ALMS1: variants seen among roughly 807,000 people sequenced by gnomAD.
ALMS1 encodes the protein ALMS1 centrosome and basal body associated protein.
A neutral mutation model predicts 352.2 loss-of-function variants in ALMS1; 271 were observed. The ratio of observed to expected loss-of-function variants is 0.77; its 90% CI spans 0.70 to 0.85. ALMS1 has a LOEUF of 0.85. Ranked by LOEUF, ALMS1 falls within the 40% of genes least tolerant of loss-of-function variation. The pLI, the probability that ALMS1 is intolerant of heterozygous loss-of-function variation, is 0.00. For missense variants in ALMS1, 5,445 were observed against 4,870.7 expected (o/e 1.12, Z -3.51); for synonymous variants, 1,865 against 1,761.2 (o/e 1.06, Z -1.48).
In ALMS1 at chr2:73,559,043, A is replaced by G. The variant is rs762108653; in HGVS notation, c.10285A>G (p.Thr3429Ala). The change falls in exon 15 of 23, where the codon ACT becomes GCT. Residue 3429 changes from threonine to alanine, a missense_variant. By Grantham distance (58) the Thr-to-Ala change is moderately conservative. Coordinates refer to ENST00000613296, the MANE Select transcript of ALMS1 (RefSeq NM_001378454.1). ...CCCAGAAATGAAGAACTTGCCAGAC[A>G]CTAAAGCCATTACACAGAAAGAGGA... Reference protein sequence around the residue: ...GDPEMKNLPDTKAITQKEEIH... With the variant: ...GDPEMKNLPDAKAITQKEEIH... 8 of 1,614,088 alleles carry G rather than the reference A, an allele frequency of 5.0e-6. No individual in the cohort carries two copies. The South Asian group carries it at 8.8e-5, about 18-fold the overall frequency.
intron 13 of ALMS1, among the ~76,000 whole-genome samples, chr2:73,555,607 C>T (rs1405710213): frequency 6.6e-6 from 1 of 152,038 alleles, no homozygotes; most frequent in Non-Finnish European, 1.5e-5. Flanking sequence ...AATAAATATG[C>T]CATTATTAAA....
chr2:73,542,898 A>T (rs537377489), intron 12 of ALMS1, among the ~76,000 whole-genome samples: 10 of 152,236 alleles, frequency 6.6e-5, no homozygotes, highest in African/African-American at 2.2e-4. Flanking sequence ...TTCCATGCTC[A>T]TGGGTAGGAA....
At chr2:73,407,944 GTTA>G (rs1354835800) in intron 1 of ALMS1, among the ~76,000 whole-genome samples, 1 of 152,024 alleles carries the variant, frequency 6.6e-6, no homozygotes, top group Non-Finnish European at 1.5e-5. Flanking sequence ...TAGTAAGAGG[GTTA>G]TTTTTTTTTT....
At chr2:73,410,901 G>T (rs1671064630) in intron 2 of ALMS1, among the ~76,000 whole-genome samples, 1 of 152,032 alleles carries the variant, frequency 6.6e-6, no homozygotes, top group African/African-American at 2.4e-5. Flanking sequence ...AAATTGCAGT[G>T]ATTACCTGTT....
intron 9 of ALMS1, among the ~76,000 whole-genome samples, chr2:73,481,335 TC>T (rs1672699040): frequency 6.6e-6 from 1 of 152,180 alleles, no homozygotes; most frequent in Non-Finnish European, 1.5e-5. Flanking sequence ...AAACAGGGAA[TC>T]CTTTCCCCAT....
At position 73,519,895 on chromosome 2, in the gene ALMS1, T is replaced by C; in HGVS notation, c.9660T>C (p.Ile3220=). The C allele has an allele frequency of 1.9e-6, 3 of 1,614,148 alleles. No homozygotes were observed. The highest frequency in any genetic ancestry group is 2.5e-6 in the Non-Finnish European group (3 of 1,179,988). The change falls in exon 11 of 23, where the codon ATT becomes ATC. Residue 3220 remains isoleucine, a synonymous_variant. Coordinates refer to ENST00000613296, the MANE Select transcript of ALMS1 (RefSeq NM_001378454.1). ...EKTLFSSEIF[I]NAEDRGHEII... is the part of the protein sequence containing the mutation. ...CCCTATTTTCATCTGAGATTTTTATTAATGCTGAAGATCGTGGACATGAAA... is the reference window on the plus strand; with the variant it reads ...CCCTATTTTCATCTGAGATTTTTATCAATGCTGAAGATCGTGGACATGAAA...
intron 15 of ALMS1, among the ~76,000 whole-genome samples, chr2:73,570,153 G>A (rs929976479): frequency 6.6e-6 from 1 of 152,174 alleles, no homozygotes; most frequent in Non-Finnish European, 1.5e-5. Context: ...GCAGTAGGAT[G>A]ATGTGCCATT....
At chr2:73,455,994 A>G (rs1048147619) in intron 9 of ALMS1, among the ~76,000 whole-genome samples, 2 of 152,212 alleles carry the variant, frequency 1.3e-5, no homozygotes, top group Non-Finnish European at 2.9e-5. Flanking sequence ...TTTTAATAGT[A>G]CATATTTTCC....
chr2:73,412,797 A>G (rs1158941685), intron 2 of ALMS1, among the ~76,000 whole-genome samples: 1 of 152,066 alleles, frequency 6.6e-6, no homozygotes, highest in Non-Finnish European at 1.5e-5. Flanking sequence ...CTCTGTCTCA[A>G]AAACAAAAAA....
chr2:73,489,805 C>T lies in ALMS1; in HGVS notation c.7846C>T (p.Arg2616Trp), dbSNP rs145383239. ...SAGPSEMTRG[R>W]QNPSSCRAKH... ...TGGACCCTCAGAAATGACCAGAGGA[C>T]GGCAGAACCCATCATCATGCAGAGC... Residue 2616 changes from arginine to tryptophan, a missense_variant, in exon 10 of 23, where the codon CGG becomes TGG. Arg to Trp is a moderately radical substitution (Grantham distance 101). Transcript: ENST00000613296. 5.8e-5 allele frequency: 93 copies of T among 1,614,074 alleles called. No individual in the cohort carries two copies. The highest frequency in any genetic ancestry group is 1.5e-4 in the African/African-American group (11 of 74,994).
intron 1 of ALMS1, among the ~76,000 whole-genome samples, chr2:73,393,230 T>C (rs1374672024): frequency 6.6e-6 from 1 of 152,204 alleles, no homozygotes; most frequent in Non-Finnish European, 1.5e-5. Context: ...CAAGATACAG[T>C]CCCTTGACAA....
rs971637997 is a variant in ALMS1 at position 73,452,441 on chromosome 2, A to G, written c.5914A>G (p.Ile1972Val). The change falls in exon 8 of 23, where the codon ATA becomes GTA. Residue 1972 changes from isoleucine (I) to valine (V), a missense_variant. Coordinates refer to ENST00000613296, the MANE Select transcript of ALMS1 (RefSeq NM_001378454.1). Reference protein sequence around the residue: ...EEALKVSPVSIPAEQKTGIPI... With the variant: ...EEALKVSPVSVPAEQKTGIPI... ...GGCTCTGAAAGTTTCACCTGTTTCT[A>G]TACCAGCAGAGCAGAAGACTGGGAT... 2 of 1,613,892 alleles carry G rather than the reference A, an allele frequency of 1.2e-6. No homozygotes were observed. Among genetic ancestry groups the G allele is most frequent in the African/African-American group, 1.3e-5 (1 of 74,938 alleles).
At chr2:73,470,554 T>G (rs969642339) in intron 9 of ALMS1, 4 of 151,912 alleles carry the variant, frequency 2.6e-5, no homozygotes, top group Admixed American at 2.0e-4. Context: ...CATTTCAGTC[T>G]TCTTAAATTT....
In ALMS1 at chr2:73,424,502, G is replaced by T; in HGVS notation, c.837G>T (p.Gln279His). The T allele has an allele frequency of 1.9e-6, 3 of 1,607,870 alleles. No individual in the cohort carries two copies. The highest frequency in any genetic ancestry group is 2.2e-5 in the East Asian group (1 of 44,774). ...CGGAAGTTAGTGAAGCTTTATTCCA[G>T]GCTACTGCAGAAGTAGCTTCAGACT... ...RPSEVSEALF[Q>H]ATAEVASDLA... Residue 279 changes from glutamine (Q) to histidine (H), a missense_variant, in exon 5 of 23, where the codon CAG (glutamine) becomes CAT (histidine). Gln to His is a conservative substitution (Grantham distance 24). Transcript: ENST00000613296.
intron 9 of ALMS1, among the ~76,000 whole-genome samples, chr2:73,482,692 T>C (rs1672737442): frequency 6.6e-6 from 1 of 152,194 alleles, no homozygotes; most frequent in African/African-American, 2.4e-5. Context: ...AATTCGGCTG[T>C]TAATCCATCT....
At chr2:73,527,954 T>C (rs1248574273) in intron 11 of ALMS1, among the ~76,000 whole-genome samples, 1 of 152,154 alleles carries the variant, frequency 6.6e-6, no homozygotes, top group African/African-American at 2.4e-5. Flanking sequence ...GTGTTTCCAT[T>C]ATCATTTGTC....
At chr2:73,554,737 A>G (rs1347627399) in intron 13 of ALMS1, among the ~76,000 whole-genome samples, 1 of 152,140 alleles carries the variant, frequency 6.6e-6, no homozygotes, top group African/African-American at 2.4e-5. Flanking sequence ...GATGGAAGGA[A>G]GAATGAGGGG....
At position 73,449,062 on chromosome 2, in the gene ALMS1, C is replaced by G. The variant is rs77517267; in HGVS notation, c.2535C>G (p.Asp845Glu). The G allele has an allele frequency of 1.3e-4, 212 of 1,614,084 alleles. No homozygotes were observed. In the African/African-American group the frequency reaches 2.3e-3, roughly 18 times the overall value. The stretch of plus-strand genomic sequence containing the variant: ...TTTCAGCTGTTTCTGGACCAGCTGA[C>G]GGAAAGACTGGGACACCAGCTGTAA... ...LKVSAVSGPA[D>E]GKTGTPAVTS... Residue 845 changes from aspartate (D) to glutamate (E), a missense_variant, in exon 8 of 23, where the codon GAC (aspartate) becomes GAG (glutamate). Physicochemically the swap from Asp to Glu is conservative, Grantham distance 45. Coordinates refer to ENST00000613296, the MANE Select transcript of ALMS1 (RefSeq NM_001378454.1).
chr2:73,416,772 A>G (rs1368781100), intron 2 of ALMS1, among the ~76,000 whole-genome samples: 2 of 121,292 alleles, frequency 1.6e-5, no homozygotes, highest in East Asian at 2.3e-4. Flanking sequence ...TCATGTTTTT[A>G]TTTAAATAAA....
Sources: gnomAD v4.1 joint callset for allele counts (sites outside exome capture counted in the v4.1 genomes callset) on GRCh38, gnomAD v4.1.1 for gene constraint, MANE v1.5 for transcripts, NCBI Gene and HGNC (gene_info 2026-07-23, HGNC 2026-07-21) for gene names.